WWP2: variants seen among roughly 807,000 people sequenced by gnomAD.
WWP2 encodes NEDD4-like E3 ubiquitin-protein ligase WWP2.
Under a neutral mutation model 121.0 loss-of-function variants are expected in WWP2, and 57 were observed. That is an observed-to-expected ratio of 0.47 (90% CI 0.38 to 0.59). WWP2 has a LOEUF of 0.59. WWP2 is among the 20% of genes least tolerant of loss of function. WWP2 has a pLI of 0.00. For synonymous variants in WWP2, 449 were observed against 441.3 expected, an observed-to-expected ratio of 1.02 and a Z score of -0.22; for missense variants, 962 against 1,158.9, an observed-to-expected ratio of 0.83 and a Z score of 2.47.
At chr16:69,846,070 A>AAAAAAAAAAAAAAAAAAAAG (rs58504050) in intron 6 of WWP2, among the ~76,000 whole-genome samples, 4 of 149,762 alleles carry the variant, frequency 2.7e-5, no homozygotes, top group African/African-American at 9.9e-5. Context: ...AAAAAAAAAA[A>AAAAAAAAAAAAAAAAAAAAG]GAATACTTAT....
chr16:69,808,433 C>T (rs2056324656), intron 4 of WWP2, among the ~76,000 whole-genome samples: 2 of 151,818 alleles, frequency 1.3e-5, no homozygotes, highest in Admixed American at 6.6e-5. Context: ...TGGAGTTTCA[C>T]TCTTGTCGCC....
chr16:69,798,610 GA>G, intron 2 of WWP2, 71 bp from the exon 3 acceptor site: 1 of 1,499,772 alleles, frequency 6.7e-7, no homozygotes, highest in Non-Finnish European at 9.0e-7. Context: ...AAAAGAGCCG[GA>G]ACATCTGCCA....
intron 9 of WWP2, chr16:69,910,283 C>CA: frequency 1.4e-6 from 1 of 709,226 alleles, no homozygotes; most frequent in Non-Finnish European, 1.7e-6. Context: ...ATCAAATACC[C>CA]AGTCAATATT....
intron 1 of WWP2, among the ~76,000 whole-genome samples, chr16:69,766,529 C>T (rs2038734190): frequency 6.6e-6 from 1 of 152,152 alleles, no homozygotes; most frequent in Admixed American, 6.5e-5. Flanking sequence ...CTCCCACACC[C>T]ACCACCACCC....
rs181588281 is a variant in WWP2, at chr16:69,925,521, C to T, written c.1234+37C>T. 20 of 1,610,688 alleles carry T rather than the reference C, an allele frequency of 1.2e-5. No individual in the cohort carries two copies. In the Admixed American group the frequency reaches 1.5e-4, roughly 12 times the overall value. On this transcript the variant is annotated intron_variant, in intron 11 of 23. Coordinates refer to ENST00000359154, the MANE Select transcript of WWP2 (RefSeq NM_001270454.2). This position sits in a 1 kb window ranked among gnomAD's most constrained non-coding sequence, Gnocchi z 4.0. ...GTTCTCTTCCTGGCCCTTGGCCTTC[C>T]GTCAGCCACGGTGCTCTGTCCTCTC...
intron 7 of WWP2, among the ~76,000 whole-genome samples, chr16:69,885,690 G>C (rs1052534049): frequency 1.3e-5 from 2 of 152,174 alleles, no homozygotes; most frequent in Admixed American, 1.3e-4. Context: ...CAGACACCAG[G>C]GTGTGAATTA....
At chr16:69,922,170 T>A (rs1213315747) in intron 10 of WWP2, among the ~76,000 whole-genome samples, 1 of 151,990 alleles carries the variant, frequency 6.6e-6, no homozygotes, top group East Asian at 1.9e-4. Flanking sequence ...AGACAACTTG[T>A]TTCTTACTCT....
chr16:69,804,349 A>G (rs2056232132), intron 4 of WWP2, among the ~76,000 whole-genome samples: 2 of 152,116 alleles, frequency 1.3e-5, no homozygotes, highest in East Asian at 3.9e-4. Flanking sequence ...TTAATTCTGC[A>G]TCCACATGAG....
At chr16:69,913,308 C>G (rs1210203563) in intron 9 of WWP2, among the ~76,000 whole-genome samples, 2 of 151,622 alleles carry the variant, frequency 1.3e-5, no homozygotes, top group Non-Finnish European at 2.9e-5. Context: ...GGTGGGATTA[C>G]AGGCGTGAGC....
intron 4 of WWP2, among the ~76,000 whole-genome samples, chr16:69,825,827 A>T (rs144139434): frequency 6.6e-6 from 1 of 151,844 alleles, no homozygotes; most frequent in Non-Finnish European, 1.5e-5. Flanking sequence ...GGATCTCCCT[A>T]TGTTGCCCAG....
chr16:69,922,335 A>G lies in WWP2; in HGVS notation c.1180-3095A>G, dbSNP rs1567434188. Among the ~76,000 whole-genome samples the G allele has an allele frequency of 2.6e-5, 4 of 151,464 alleles. No individual in the cohort carries two copies. In the South Asian group the frequency reaches 6.2e-4, roughly 24 times the overall value. On this transcript the variant is annotated intron_variant, in intron 10 of 23. Coordinates refer to ENST00000359154, the MANE Select transcript of WWP2 (RefSeq NM_001270454.2). ...TTACCCTCAGCTGTATTTGCTAGACATTCTTTATTTCTGAGTTTGTATCTT... is the reference window on the plus strand; with the variant it reads ...TTACCCTCAGCTGTATTTGCTAGACGTTCTTTATTTCTGAGTTTGTATCTT...
intron 8 of WWP2, among the ~76,000 whole-genome samples, chr16:69,890,541 T>TG (rs147147023): frequency 0.02 from 2,973 of 152,258 alleles, 70 homozygotes; most frequent in African/African-American, 0.06. Flanking sequence ...ATGTTATAAT[T>TG]TGGGGGGAAC....
intron 8 of WWP2, among the ~76,000 whole-genome samples, chr16:69,893,195 G>A (rs931637374): frequency 2.0e-5 from 3 of 152,146 alleles, no homozygotes; most frequent in Non-Finnish European, 2.9e-5. Context: ...CCGGATCCCT[G>A]GTGGACAAGA....
chr16:69,930,253 G>T lies in WWP2; in HGVS notation c.1440G>T (p.Glu480Asp), dbSNP rs370457139. The change falls in exon 13 of 24, where the codon GAG becomes GAT. Residue 480 changes from glutamate (E) to aspartate (D), a missense_variant. Coordinates refer to ENST00000359154, the MANE Select transcript of WWP2 (RefSeq NM_001270454.2). ...TTFKDPRPGF[E>D]SGTKQGSPGA... is the part of the protein sequence containing the mutation. ...TTAAGGATCCTCGCCCGGGGTTTGA[G>T]TCGGGGTAAGGACTTTGTGCAGGTA... 40 of 1,613,788 alleles carry T rather than the reference G, an allele frequency of 2.5e-5. No homozygotes were observed. Among genetic ancestry groups the T allele is most frequent in the Non-Finnish European group, 3.4e-5 (40 of 1,179,914 alleles).
At chr16:69,849,482 T>TTCATTCATTC (rs1555553865) in intron 6 of WWP2, among the ~76,000 whole-genome samples, 75 of 149,666 alleles carry the variant, frequency 5.0e-4, no homozygotes, top group Admixed American at 2.7e-3. Flanking sequence ...TTTATTTATT[T>TTCATTCATTC]ATTCATTCAT....
At chr16:69,777,387 G>T (rs1430288857) in intron 1 of WWP2, among the ~76,000 whole-genome samples, 1 of 151,650 alleles carries the variant, frequency 6.6e-6, no homozygotes, top group Non-Finnish European at 1.5e-5. Flanking sequence ...TGCAACCTCT[G>T]CCTCCTGGGT....
chr16:69,901,020 A>G (rs534198604), intron 8 of WWP2, among the ~76,000 whole-genome samples: 3 of 152,254 alleles, frequency 2.0e-5, no homozygotes, highest in Admixed American at 1.3e-4. Context: ...TCCTTCGGGG[A>G]AGGACTGAGT....
chr16:69,903,691 C>T (rs545435275), intron 8 of WWP2, among the ~76,000 whole-genome samples: 1 of 151,562 alleles, frequency 6.6e-6, no homozygotes, highest in African/African-American at 2.4e-5. Context: ...TCGGTTGAAC[C>T]CAGGAGGTGG....
chr16:69,771,561 A>G (rs1196868326), intron 1 of WWP2, among the ~76,000 whole-genome samples: 2 of 152,194 alleles, frequency 1.3e-5, no homozygotes, highest in African/African-American at 2.4e-5. Context: ...GTAGCTTTGT[A>G]GTAAGTTTTA....
Sources: gnomAD v4.1 joint callset for allele counts (sites outside exome capture counted in the v4.1 genomes callset) on GRCh38, gnomAD v4.1.1 for gene constraint, Gnocchi (gnomAD v3.1) non-coding constraint, MANE v1.5 for transcripts, NCBI Gene and HGNC (gene_info 2026-07-23, HGNC 2026-07-21) for gene names.